Variants in HPCAL1 observed in about 807,000 individuals in gnomAD.
HPCAL1 encodes hippocalcin-like protein 1.
Under a neutral mutation model 17.1 loss-of-function variants are expected in HPCAL1, and 8 were observed. The observed-to-expected ratio is 0.47, with a 90% confidence interval of 0.27 to 0.84. HPCAL1 has a LOEUF of 0.84. HPCAL1 is among the 40% of genes least tolerant of loss of function. The pLI is 0.13. For synonymous variants in HPCAL1, 112 were observed against 111.4 expected (o/e 1.01, Z -0.03); for missense variants, 165 against 271.1 (o/e 0.61, Z 2.75).
At position 10,387,392 on chromosome 2, in the gene HPCAL1, C is replaced by A. The variant is rs137952083; in HGVS notation, c.-110-9443C>A. 2.6e-3 allele frequency among the ~76,000 whole-genome samples: 397 copies of A among 152,342 alleles called. 1 individual carries two copies. Among genetic ancestry groups the A allele is most frequent in the African/African-American group, 9.1e-3 (379 of 41,576 alleles). On this transcript the variant is annotated intron_variant, in intron 1 of 4. Coordinates refer to ENST00000307845, the MANE Select transcript of HPCAL1 (RefSeq NM_002149.4). ...TGGCTCTAGCTGCTGTGGGGCACGT[C>A]CACGTGGAGAAGCGCTTGGTGTATT... is the stretch of plus-strand genomic sequence containing the variant.
rs73163011 is a variant in HPCAL1 at position 10,358,554 on chromosome 2, G to C, written c.-110-38281G>C. ...CGCGAGAGCCTAGCAGGCACACACAGAAGCGGCTGGACATTGAGAGGAACA... is the reference window on the plus strand; with the variant it reads ...CGCGAGAGCCTAGCAGGCACACACACAAGCGGCTGGACATTGAGAGGAACA... On this transcript the variant is annotated intron_variant, in intron 1 of 4. Coordinates refer to ENST00000307845, the MANE Select transcript of HPCAL1 (RefSeq NM_002149.4). Among the ~76,000 whole-genome samples, 211 of 152,306 alleles carry C rather than the reference G, an allele frequency of 1.4e-3. 2 individuals are homozygous for C. Among genetic ancestry groups the C allele is most frequent in the African/African-American group, 4.7e-3 (197 of 41,564 alleles).
intron 2 of HPCAL1, among the ~76,000 whole-genome samples, chr2:10,402,963 C>A (rs766549876): frequency 6.6e-6 from 1 of 152,158 alleles, no homozygotes; most frequent in African/African-American, 2.4e-5. Context: ...GGTTTCCACC[C>A]GAGATATATT....
At chr2:10,309,006 C>T (rs1662792915) in intron 1 of HPCAL1, among the ~76,000 whole-genome samples, 1 of 151,868 alleles carries the variant, frequency 6.6e-6, no homozygotes, top group African/African-American at 2.4e-5. Flanking sequence ...GGATTTGAGC[C>T]TGGGCAATAT....
chr2:10,303,936 GCA>G (rs1422740901), intron 1 of HPCAL1: 3 of 152,282 alleles, frequency 2.0e-5, no homozygotes, highest in Non-Finnish European at 4.4e-5. Flanking sequence ...CCAAAGCCCC[GCA>G]CACAGTAGGT....
chr2:10,365,919 T>C lies in HPCAL1; in HGVS notation c.-110-30916T>C, dbSNP rs1328941232. ...CTCGGCCTCCCATTGAGATCAGCTA[T>C]ACGTGATATAGACCAGGGATGCACG... is the stretch of plus-strand genomic sequence containing the variant. On this transcript the variant is annotated intron_variant, in intron 1 of 4. Transcript: ENST00000307845. This position sits in a 1 kb window ranked among gnomAD's most constrained non-coding sequence, Gnocchi z 4.8. Among the ~76,000 whole-genome samples the C allele has an allele frequency of 6.6e-6, 1 of 152,208 alleles. No individual in the cohort carries two copies. The highest frequency in any genetic ancestry group is 2.4e-5 in the African/African-American group (1 of 41,446).
At chr2:10,399,492 A>C (rs1380171564) in intron 2 of HPCAL1, among the ~76,000 whole-genome samples, 1 of 140,302 alleles carries the variant, frequency 7.1e-6, no homozygotes, top group African/African-American at 2.8e-5. Context: ...CATCACCGCC[A>C]CCATCACCAT....
At chr2:10,369,961 T>G (rs1412766445) in intron 1 of HPCAL1, among the ~76,000 whole-genome samples, 1 of 152,218 alleles carries the variant, frequency 6.6e-6, no homozygotes, top group Non-Finnish European at 1.5e-5. Context: ...CCTTCTATAC[T>G]TAGCCCTTAT....
At chr2:10,314,386 T>C (rs765454773) in intron 1 of HPCAL1, among the ~76,000 whole-genome samples, 56 of 152,142 alleles carry the variant, frequency 3.7e-4, no homozygotes, top group South Asian at 6.2e-4. Flanking sequence ...ATTCAACCTT[T>C]CCTGTTAACT....
chr2:10,337,851 C>T (rs1466615806), intron 1 of HPCAL1, among the ~76,000 whole-genome samples: 1 of 152,188 alleles, frequency 6.6e-6, no homozygotes, highest in Non-Finnish European at 1.5e-5. Flanking sequence ...TAGGAATGGT[C>T]TCTGTCAATG....
chr2:10,410,282 C>G (rs953345096), intron 2 of HPCAL1, among the ~76,000 whole-genome samples: 1 of 152,148 alleles, frequency 6.6e-6, no homozygotes, highest in East Asian at 1.9e-4. Context: ...ATCAAGCCCT[C>G]GGTTCCCAGG....
At chr2:10,324,988 A>ATT (rs70948884) in intron 1 of HPCAL1, among the ~76,000 whole-genome samples, 7 of 136,982 alleles carry the variant, frequency 5.1e-5, no homozygotes, top group African/African-American at 1.1e-4. Context: ...ACGCCCAGCA[A>ATT]TTTTTTTTTT....
chr2:10,328,547 G>C (rs1187740484), intron 1 of HPCAL1, among the ~76,000 whole-genome samples: 1 of 152,152 alleles, frequency 6.6e-6, no homozygotes, highest in Non-Finnish European at 1.5e-5. Flanking sequence ...TGTAGAGAAA[G>C]AGTGAATGTG....
chr2:10,386,409 G>C (rs544414397), intron 1 of HPCAL1, among the ~76,000 whole-genome samples: 3 of 152,278 alleles, frequency 2.0e-5, no homozygotes, highest in African/African-American at 7.2e-5. Flanking sequence ...GCACTGAGTG[G>C]GTCTGTGGAA....
intron 2 of HPCAL1, among the ~76,000 whole-genome samples, chr2:10,397,462 T>G (rs1262418499): frequency 6.6e-6 from 1 of 150,804 alleles, no homozygotes; most frequent in Non-Finnish European, 1.5e-5. Context: ...CTCAGAGCAG[T>G]TACCGTAGGC....
intron 1 of HPCAL1, among the ~76,000 whole-genome samples, chr2:10,386,854 T>C (rs1172551691): frequency 1.3e-5 from 2 of 152,172 alleles, no homozygotes; most frequent in Admixed American, 6.5e-5. Flanking sequence ...TGCACGGCAT[T>C]GCTTAATTTC....
At position 10,377,029 on chromosome 2, in the gene HPCAL1, T is replaced by C. The variant is rs1053990724; in HGVS notation, c.-110-19806T>C. On this transcript the variant is annotated intron_variant, in intron 1 of 4. Transcript: ENST00000307845. The surrounding 1 kb of genome is among the most constrained non-coding windows in gnomAD (Gnocchi z 5.9). ...TTGTGTGTAGTACAATACATGTATG[T>C]AATACAATACATACTGTATTGTATT... 1.3e-5 allele frequency among the ~76,000 whole-genome samples: 2 copies of C among 152,002 alleles called. No individual in the cohort carries two copies. The highest frequency in any genetic ancestry group is 2.9e-5 in the Non-Finnish European group (2 of 68,014).
chr2:10,375,002 G>A (rs1392864106), intron 1 of HPCAL1, among the ~76,000 whole-genome samples: 1 of 152,220 alleles, frequency 6.6e-6, no homozygotes, highest in Admixed American at 6.5e-5. Flanking sequence ...CCGCAGAGGA[G>A]TAGGCCTTGG....
rs868772376 is a variant in HPCAL1, at chr2:10,392,871, G to C, written c.-110-3964G>C. The stretch of plus-strand genomic sequence containing the variant: ...GGCTGGGGGAGGTGGGGTCGGAAGG[G>C]CCCCAGGAAAAGCGTGTGTGTGAAG... On this transcript the variant is annotated intron_variant, in intron 1 of 4. Coordinates refer to ENST00000307845, the MANE Select transcript of HPCAL1 (RefSeq NM_002149.4). Among the ~76,000 whole-genome samples, 14 of 152,328 alleles carry C rather than the reference G, an allele frequency of 9.2e-5. 1 individual carries two copies. The highest frequency in any genetic ancestry group is 3.1e-4 in the African/African-American group (13 of 41,588).
intron 1 of HPCAL1, among the ~76,000 whole-genome samples, chr2:10,364,786 T>G (rs1415502915): frequency 4.6e-5 from 7 of 152,138 alleles, no homozygotes; most frequent in Admixed American, 4.6e-4. Context: ...AGTTTTGCCA[T>G]GTTGCCCAGG....
Sources: allele counts gnomAD v4.1 joint callset (sites outside exome capture counted in the v4.1 genomes callset), GRCh38; gene constraint gnomAD v4.1.1; non-coding constraint Gnocchi (gnomAD v3.1); transcripts MANE v1.5; gene names NCBI Gene and HGNC (gene_info 2026-07-23, HGNC 2026-07-21).